Variants in CEP250 observed in about 807,000 individuals in gnomAD.
CEP250 encodes centrosomal protein 250, also known as centrosome-associated protein CEP250.
Under a neutral mutation model 315.7 loss-of-function variants are expected in CEP250, and 242 were observed. That is an observed-to-expected ratio of 0.77 (90% confidence interval 0.69 to 0.85). The LOEUF is 0.85. Among genes scored for constraint, CEP250 ranks in the 40% least tolerant of loss-of-function variants. The pLI is 0.00. For synonymous variants in CEP250, 1,088 were observed against 1,175.0 expected, an observed-to-expected ratio of 0.93 and a Z score of 1.51; for missense variants, 2,515 against 2,886.4, an observed-to-expected ratio of 0.87 and a Z score of 2.95.
intron 21 of CEP250, 111 bp from the exon 22 acceptor site, chr20:35,491,101 C>A (rs1284901123): frequency 1.5e-6 from 2 of 1,341,392 alleles, no homozygotes; most frequent in Non-Finnish European, 2.0e-6. Flanking sequence ...TGCCCTCAGC[C>A]CCTTCCCATT....
At chr20:35,496,214 G>C (rs771860817) in intron 24 of CEP250, among the ~76,000 whole-genome samples, 16 of 152,146 alleles carry the variant, frequency 1.1e-4, no homozygotes, top group Non-Finnish European at 1.8e-4. Flanking sequence ...GCGCATGCCT[G>C]CAATCCCAGC....
At position 35,491,137 on chromosome 20, in the gene CEP250, G is replaced by A. The variant is rs975940736; in HGVS notation, c.2755-75G>A. On this transcript the variant is annotated intron_variant, in intron 21 of 34. Transcript: ENST00000397527. ...TGCTAGGAGAGCCCTAGGGCAGCTG[G>A]GATGTGCTTGTGGCCTCGTTGGTGA... The A allele has an allele frequency of 3.8e-5, 59 of 1,546,358 alleles. No homozygotes were observed. In the Middle Eastern group the frequency reaches 6.9e-4, roughly 18 times the overall value.
Position 35,503,688 on chromosome 20 carries a change from G to T in CEP250, c.5319G>T (p.Leu1773=), listed in dbSNP as rs2064090783. The T allele has an allele frequency of 6.2e-7, 1 of 1,614,084 alleles. No homozygotes were observed. The highest frequency in any genetic ancestry group is 8.5e-7 in the Non-Finnish European group (1 of 1,180,012). ...AGGTAGGTGAGACCAGCCTCCTCCT[G>T]TCCCAGCGAGAGCAGGAAATAGTGG... ...HRKVGETSLL[L]SQREQEIVVL... is the part of the protein sequence containing the mutation. The change falls in exon 30 of 35, where the codon CTG becomes CTT. Residue 1773 remains leucine (L), a synonymous_variant. Coordinates refer to ENST00000397527, the MANE Select transcript of CEP250 (RefSeq NM_007186.6). This position sits in a 1 kb window ranked among gnomAD's most constrained non-coding sequence, Gnocchi z 4.2.
At chr20:35,500,193 G>A in intron 28 of CEP250, 24 bp downstream of exon 28, 14 of 1,612,228 alleles carry the variant, frequency 8.7e-6, no homozygotes, top group Non-Finnish European at 1.2e-5. Flanking sequence ...GACAGGCAGG[G>A]AGATTGAGAG....
At chr20:35,486,286 TTGTACAACTGCAC>T (rs200202229) in intron 20 of CEP250, among the ~76,000 whole-genome samples, 3,436 of 152,124 alleles carry the variant, frequency 0.023, 147 homozygotes, top group African/African-American at 0.078. Flanking sequence ...TGGAGTGCAG[TTGTACAACTGCAC>T]TGTACAACTC....
chr20:35,495,528 G>T (rs2063812423), intron 24 of CEP250, among the ~76,000 whole-genome samples: 2 of 152,138 alleles, frequency 1.3e-5, no homozygotes, highest in Non-Finnish European at 2.9e-5. Flanking sequence ...GGGAGGCTGA[G>T]GTGGGCAGAT....
intron 8 of CEP250, 107 bp downstream of exon 8, chr20:35,467,179 G>GGGGGGGGGGGCC: frequency 1.9e-6 from 1 of 534,900 alleles, no homozygotes; most frequent in East Asian, 4.6e-5. Context: ...GGTGGGTGGG[G>GGGGGGGGGGGCC]GAGTTGGTAG....
Position 35,500,078 on chromosome 20 carries a change from GGAA to G in CEP250, c.3810_3812del (p.Glu1271del). On this transcript the variant is annotated inframe_deletion, in exon 28 of 35. Transcript: ENST00000397527. ...TTCTGAGGGATCAGGTCCAGAAACTGGAAGAGCGTCTAACTGATACTGAGGCTG... is the reference window on the plus strand; with the variant it reads ...TTCTGAGGGATCAGGTCCAGAAACTGGAGCGTCTAACTGATACTGAGGCTG... The G allele has an allele frequency of 6.2e-7, 1 of 1,614,132 alleles. No individual in the cohort carries two copies. The highest frequency in any genetic ancestry group is 2.2e-5 in the East Asian group (1 of 44,880).
intron 27 of CEP250, among the ~76,000 whole-genome samples, chr20:35,499,165 C>T (rs11907074): frequency 0.014 from 2,175 of 152,248 alleles, 41 homozygotes; most frequent in African/African-American, 0.049. Context: ...ATCCCAGCTA[C>T]TCAGGAGGCT....
In CEP250 at chr20:35,474,059, G is replaced by A; in HGVS notation, c.1571+7G>A. The A allele has an allele frequency of 6.5e-7, 1 of 1,531,262 alleles. No individual in the cohort carries two copies. The highest frequency in any genetic ancestry group is 8.7e-7 in the Non-Finnish European group (1 of 1,143,424). The allele number at this position is 1,531,262 out of a possible 1,614,324, so 94.9% of individuals were successfully genotyped here. ...TCCGGGAGAGGGAGCGTCTGTAAGT[G>A]AGACTAGTCTCCTCCTCGCTGGGCC... On this transcript the variant is annotated splice_region_variant and intron_variant, in intron 14 of 34. Transcript: ENST00000397527.
Position 35,455,644 on chromosome 20 carries a change from T to G in CEP250, c.-405T>G, listed in dbSNP as rs2062602064. 1 of 152,074 alleles carries G rather than the reference T, an allele frequency of 6.6e-6. No individual in the cohort carries two copies. The highest frequency in any genetic ancestry group is 1.5e-5 in the Non-Finnish European group (1 of 68,018). 9.4% of individuals were successfully genotyped at this position (152,074 alleles called of 1,614,324 possible). On this transcript the variant is annotated 5_prime_UTR_variant, in exon 1 of 35. Coordinates refer to ENST00000397527, the MANE Select transcript of CEP250 (RefSeq NM_007186.6). ...CTGGAGCTCCCATTCTTCAGGACCC[T>G]GCTGAAGTATCGCTTCTCAGCCGCC...
intron 4 of CEP250, 30 bp downstream of exon 4, chr20:35,462,583 A>G: frequency 6.4e-7 from 1 of 1,554,352 alleles, no homozygotes. Context: ...GGGGAGGGGA[A>G]AGAGAACAAC....
chr20:35,501,965 A>C lies in CEP250; in HGVS notation c.4019A>C (p.Gln1340Pro), dbSNP rs1284899903. The change falls in exon 29 of 35, where the codon CAG (glutamine) becomes CCG (proline). Residue 1340 changes from glutamine (Q) to proline (P), a missense_variant and splice_region_variant. Coordinates refer to ENST00000397527, the MANE Select transcript of CEP250 (RefSeq NM_007186.6). ...RRAELQRMEAQGERELLQAAK... is the reference protein window; with the variant it reads ...RRAELQRMEAPGERELLQAAK... ...GCAGAGCTACAGCGAATGGAAGCCC[A>C]GGTAAAGTGGTACTGGTTTCAGGGA... 19 of 1,611,564 alleles carry C rather than the reference A, an allele frequency of 1.2e-5. No homozygotes were observed. The highest frequency in any genetic ancestry group is 1.7e-4 in the Middle Eastern group (1 of 6,030).
At position 35,482,048 on chromosome 20, in the gene CEP250, AATAGATAGATAGATAG is replaced by A. The variant is rs35585772; in HGVS notation, c.2586+1946_2586+1961del. ...TTTCTGGCTTTGTTCAGGCTTAAAA[AATAGATAGATAGATAG>A]ATAGATAGATAGATAGATAGATAGA... On this transcript the variant is annotated intron_variant, in intron 20 of 34. Coordinates refer to ENST00000397527, the MANE Select transcript of CEP250 (RefSeq NM_007186.6). 1.6e-3 allele frequency among the ~76,000 whole-genome samples: 231 copies of A among 146,216 alleles called. 1 individual carries two copies. Among genetic ancestry groups the A allele is most frequent in the South Asian group, 3.3e-3 (15 of 4,522 alleles).
At chr20:35,501,562 G>A (rs945123681) in intron 28 of CEP250, among the ~76,000 whole-genome samples, 1 of 152,232 alleles carries the variant, frequency 6.6e-6, no homozygotes, top group South Asian at 2.1e-4. Flanking sequence ...TGGAATTGAG[G>A]GCCAAGGCTC....
rs536044996 is a variant in CEP250, at chr20:35,491,859, G to A, written c.2889+513G>A. ...GGAGGTTGCAGTGAGCCGAGGTCAC[G>A]CCACTGCATTCCAGCCTTGGTGATA... On this transcript the variant is annotated intron_variant, in intron 22 of 34. Coordinates refer to ENST00000397527, the MANE Select transcript of CEP250 (RefSeq NM_007186.6). Among the ~76,000 whole-genome samples the A allele has an allele frequency of 9.4e-5, 12 of 127,954 alleles. No individual in the cohort carries two copies. The Admixed American group carries it at 1.1e-3, about 12-fold the overall frequency. 83.9% of individuals were successfully genotyped at this position (127,954 alleles called of 152,430 possible).
intron 29 of CEP250, 116 bp downstream of exon 29, chr20:35,502,082 G>C (rs2064022907): frequency 1.6e-6 from 2 of 1,218,548 alleles, no homozygotes; most frequent in Admixed American, 2.4e-5. Flanking sequence ...TCCTCTGGCT[G>C]TCTCCATGTC....
chr20:35,511,871 G>T lies in CEP250; in HGVS notation c.*245G>T. The T allele has an allele frequency of 7.5e-7, 1 of 1,329,368 alleles. No individual in the cohort carries two copies. Among genetic ancestry groups the T allele is most frequent in the Non-Finnish European group, 9.6e-7 (1 of 1,042,636 alleles). The allele number at this position is 1,329,368 out of a possible 1,614,324, so 82.3% of individuals were successfully genotyped here. ...TCACCCAGAGGGGTGCCTTGCCCTG[G>T]CTGAGGGACATGTACTGCCTCTCAT... On this transcript the variant is annotated 3_prime_UTR_variant, in exon 35 of 35. Transcript: ENST00000397527.
chr20:35,514,509 C>G lies in CEP250; in HGVS notation c.*2883C>G, dbSNP rs903901843. ...GGGGAGTGCTGAGGTCCGGCGGGTG[C>G]TGCCCCTGTTCTCTCAAGGATCCCA... is the stretch of plus-strand genomic sequence containing the variant. On this transcript the variant is annotated 3_prime_UTR_variant, in exon 35 of 35. Transcript: ENST00000397527. 4 of 152,396 alleles carry G rather than the reference C, an allele frequency of 2.6e-5. No homozygotes were observed. Among genetic ancestry groups the G allele is most frequent in the Non-Finnish European group, 4.4e-5 (3 of 68,180 alleles). The allele number at this position is 152,396 out of a possible 1,614,324, so 9.4% of individuals were successfully genotyped here.
Sources: allele counts gnomAD v4.1 joint callset (sites outside exome capture counted in the v4.1 genomes callset), GRCh38; gene constraint gnomAD v4.1.1; non-coding constraint Gnocchi (gnomAD v3.1); transcripts MANE v1.5; gene names NCBI Gene and HGNC (gene_info 2026-07-23, HGNC 2026-07-21).